The following NEXMIF variants were observed in gnomAD, a reference collection of about 807,000 sequenced individuals.
NEXMIF encodes the protein XLMR protein related to neurite extension.
Under a neutral mutation model 62.1 loss-of-function variants are expected in NEXMIF, and 8 were observed. The observed-to-expected ratio is 0.13, with a 90% CI of 0.08 to 0.23. NEXMIF has a LOEUF of 0.23. Ranked by LOEUF, NEXMIF falls within the 10% of genes least tolerant of loss-of-function variation. The pLI, the probability that NEXMIF is intolerant of heterozygous loss-of-function variation, is 1.00. For missense variants in NEXMIF, 976 were observed against 1,113.3 expected, an observed-to-expected ratio of 0.88 and a Z score of 1.75; for synonymous variants, 404 against 416.6, an observed-to-expected ratio of 0.97 and a Z score of 0.37.
chrX:74,784,032 A>G (rs188802813), intron 1 of NEXMIF, among the ~76,000 whole-genome samples: 1 of 111,857 alleles, frequency 8.9e-6, no homozygotes, highest in Admixed American at 9.5e-5. Context: ...TTTTTATAAA[A>G]TGATTGGGCT....
chrX:74,873,014 A>C (rs940633751), intron 1 of NEXMIF, among the ~76,000 whole-genome samples: 3 of 106,521 alleles, frequency 2.8e-5, no homozygotes, highest in Non-Finnish European at 5.8e-5. Context: ...TTATACTTTA[A>C]GTTTTAGGAT....
At chrX:74,868,657 A>T (rs945000729) in intron 1 of NEXMIF, among the ~76,000 whole-genome samples, 4 of 109,813 alleles carry the variant, frequency 3.6e-5, no homozygotes, top group South Asian at 4.0e-4. Flanking sequence ...CATCAGGATA[A>T]ATAGCTAATA....
chrX:74,765,299 T>C (rs891474415), intron 1 of NEXMIF, among the ~76,000 whole-genome samples: 2 of 112,113 alleles, frequency 1.8e-5, no homozygotes, highest in Admixed American at 9.5e-5. Flanking sequence ...TTCATCCCTT[T>C]GTTTTGAGAC....
chrX:74,799,009 A>C (rs2080320975), intron 1 of NEXMIF, among the ~76,000 whole-genome samples: 1 of 110,723 alleles, frequency 9.0e-6, no homozygotes, highest in African/African-American at 3.3e-5. Flanking sequence ...ACAATGAAGA[A>C]AATTCTCAAA....
At chrX:74,845,296 T>C (rs952173805) in intron 1 of NEXMIF, among the ~76,000 whole-genome samples, 2 of 111,591 alleles carry the variant, frequency 1.8e-5, no homozygotes, top group East Asian at 2.8e-4. Context: ...CTGTGTGTTG[T>C]TTACCCTTTT....
At chrX:74,909,593 A>T (rs2080781121) in intron 1 of NEXMIF, among the ~76,000 whole-genome samples, 1 of 112,008 alleles carries the variant, frequency 8.9e-6, no homozygotes, top group Admixed American at 9.4e-5. Flanking sequence ...TTGAAGAGAA[A>T]TTCAAGCTGG....
chrX:74,848,023 C>T (rs2080498811), intron 1 of NEXMIF, among the ~76,000 whole-genome samples: 1 of 110,879 alleles, frequency 9.0e-6, no homozygotes, highest in Non-Finnish European at 1.9e-5. Flanking sequence ...TAATCACTGA[C>T]ATACAGCTTA....
At chrX:74,824,807 C>A (rs1406105084) in intron 1 of NEXMIF, among the ~76,000 whole-genome samples, 1 of 110,432 alleles carries the variant, frequency 9.1e-6, no homozygotes, top group Non-Finnish European at 1.9e-5. Flanking sequence ...CGCCACCACG[C>A]CCAGCTAATT....
chrX:74,834,235 G>C (rs2080448770), intron 1 of NEXMIF, among the ~76,000 whole-genome samples: 1 of 110,432 alleles, frequency 9.1e-6, no homozygotes, highest in African/African-American at 3.3e-5. Flanking sequence ...GTTTCTCTTT[G>C]TGTCTTGTTG....
chrX:74,808,484 G>A (rs2080351514), intron 1 of NEXMIF, among the ~76,000 whole-genome samples: 1 of 111,845 alleles, frequency 8.9e-6, no homozygotes, highest in Non-Finnish European at 1.9e-5. Context: ...TTTTACTGAG[G>A]ATTTCTACAT....
At chrX:74,784,298 C>T (rs185250198) in intron 1 of NEXMIF, among the ~76,000 whole-genome samples, 3 of 111,441 alleles carry the variant, frequency 2.7e-5, no homozygotes, top group South Asian at 3.8e-4. Context: ...CTCCACAGTG[C>T]GTAGTGAAAC....
At position 74,740,148 on chromosome X, in the gene NEXMIF, T is replaced by A. The variant is rs199998866; in HGVS notation, c.4409A>T (p.Glu1470Val). The A allele has an allele frequency of 1.7e-6, 2 of 1,208,710 alleles. No individual in the cohort carries two copies. Among genetic ancestry groups the A allele is most frequent in the Non-Finnish European group, 2.2e-6 (2 of 894,638 alleles). ...CCCAGACTCATCCTTGTGGACCTGT[T>A]CTCGCTCCATGTGCTTTCCCTTACA... ...EKCKGKHMEREQVHKDESGTA... is the reference protein window; with the variant it reads ...EKCKGKHMERVQVHKDESGTA... The change falls in exon 3 of 4, where the codon GAA becomes GTA. Residue 1470 changes from glutamate to valine, a missense_variant. Transcript: ENST00000055682.
chrX:74,898,343 A>G (rs2080738956), intron 1 of NEXMIF, among the ~76,000 whole-genome samples: 1 of 111,427 alleles, frequency 9.0e-6, no homozygotes. Context: ...GTGAATCCCA[A>G]TTAAGGGACA....
intron 1 of NEXMIF, among the ~76,000 whole-genome samples, chrX:74,877,909 T>C (rs1291102594): frequency 9.0e-6 from 1 of 111,724 alleles, no homozygotes; most frequent in Non-Finnish European, 1.9e-5. Flanking sequence ...GTTTTCAAAG[T>C]TTTCAACTTC....
intron 1 of NEXMIF, among the ~76,000 whole-genome samples, chrX:74,917,217 G>A (rs2080810360): frequency 9.0e-6 from 1 of 111,393 alleles, no homozygotes; most frequent in African/African-American, 3.3e-5. Context: ...TCATGATAGT[G>A]AGTGAGTTCT....
At chrX:74,765,127 T>A (rs1370436364) in intron 1 of NEXMIF, among the ~76,000 whole-genome samples, 1 of 112,015 alleles carries the variant, frequency 8.9e-6, no homozygotes, top group East Asian at 2.8e-4. Flanking sequence ...TGCATATATA[T>A]TTATACTAGT....
chrX:74,910,378 T>TG (rs957736276), intron 1 of NEXMIF, among the ~76,000 whole-genome samples: 2 of 112,321 alleles, frequency 1.8e-5, no homozygotes, highest in African/African-American at 6.5e-5. Context: ...TGGACTTGCA[T>TG]GGGCCCTGTA....
intron 1 of NEXMIF, among the ~76,000 whole-genome samples, chrX:74,805,338 C>T (rs1306506040): frequency 1.8e-5 from 2 of 111,605 alleles, no homozygotes; most frequent in Non-Finnish European, 3.8e-5. Flanking sequence ...TCCACCCCTC[C>T]CTTGCCCACT....
chrX:74,863,878 C>T (rs993688923), intron 1 of NEXMIF, among the ~76,000 whole-genome samples: 58 of 112,076 alleles, frequency 5.2e-4, no homozygotes, highest in African/African-American at 1.8e-3. Context: ...TACTGGCAAA[C>T]CAAATCCAAC....
Sources: gnomAD v4.1 joint callset for allele counts (sites outside exome capture counted in the v4.1 genomes callset) on GRCh38, gnomAD v4.1.1 for gene constraint, MANE v1.5 for transcripts, NCBI Gene and HGNC (gene_info 2026-07-23, HGNC 2026-07-21) for gene names.